The following ZNF638 variants were observed in gnomAD, a reference collection of about 807,000 sequenced individuals.
The protein encoded by ZNF638 is CTCL tumor antigen se33-1.
In ZNF638, 46 loss-of-function variants were observed where a neutral mutation model predicts 195.6. The ratio of observed to expected loss-of-function variants is 0.24; its 90% CI spans 0.19 to 0.30. The LOEUF is 0.30. Ranked by LOEUF, ZNF638 falls within the 10% of genes least tolerant of loss-of-function variation. The pLI is 1.00. For missense variants in ZNF638, 2,440 were observed against 2,325.3 expected (o/e 1.05, Z -1.01); for synonymous variants, 845 against 772.0 (o/e 1.09, Z -1.57).
intron 8 of ZNF638, among the ~76,000 whole-genome samples, chr2:71,376,478 A>G (rs1452522357): frequency 2.0e-5 from 3 of 152,184 alleles, no homozygotes; most frequent in Non-Finnish European, 4.4e-5. Flanking sequence ...TACCACTTCA[A>G]GTTTTTCTAC....
intron 10 of ZNF638, among the ~76,000 whole-genome samples, chr2:71,390,093 C>A (rs1260141626): frequency 2.0e-5 from 3 of 152,158 alleles, no homozygotes; most frequent in African/African-American, 7.2e-5. Flanking sequence ...AGCAAAAGAA[C>A]CCCCTTCTAT....
intron 23 of ZNF638, among the ~76,000 whole-genome samples, chr2:71,425,409 A>T (rs2080519462): frequency 6.6e-6 from 1 of 152,138 alleles, no homozygotes; most frequent in Admixed American, 6.5e-5. Flanking sequence ...TGTTAATTTG[A>T]TAGTACAATC....
intron 10 of ZNF638, chr2:71,388,570 G>A (rs1234594567): frequency 1.2e-5 from 9 of 755,656 alleles, no homozygotes; most frequent in South Asian, 7.0e-5. Context: ...TCCTAGCTGC[G>A]CTCACGCAAA....
At chr2:71,384,183 C>G (rs774479279) in intron 10 of ZNF638, among the ~76,000 whole-genome samples, 7 of 152,164 alleles carry the variant, frequency 4.6e-5, no homozygotes, top group Admixed American at 6.5e-5. Context: ...ATATGTAGCT[C>G]CATCATGCCT....
chr2:71,431,759 CA>C (rs67530729), intron 26 of ZNF638, among the ~76,000 whole-genome samples: 31,220 of 102,052 alleles, frequency 0.31, 3,233 homozygotes, highest in Middle Eastern at 0.36. Context: ...GACTCCGTCT[CA>C]AAAAAAAAAA....
At chr2:71,348,565 G>T in intron 1 of ZNF638, 188 bp from the exon 2 acceptor site, 1 of 1,190,834 alleles carries the variant, frequency 8.4e-7, no homozygotes, top group South Asian at 1.6e-5. Flanking sequence ...CTTGTGTTCT[G>T]CATTCAGGAA....
chr2:71,378,430 G>T (rs928557165), intron 8 of ZNF638, among the ~76,000 whole-genome samples: 2 of 152,094 alleles, frequency 1.3e-5, no homozygotes, highest in African/African-American at 4.8e-5. Context: ...TGCCCAAAAA[G>T]AACAGAAAGT....
intron 22 of ZNF638, 31 bp from the exon 23 acceptor site, chr2:71,424,619 G>GT (rs753392209): frequency 6.4e-7 from 1 of 1,551,278 alleles, no homozygotes; most frequent in South Asian, 1.2e-5. Flanking sequence ...TGTAAATTCC[G>GT]TTTTTCTGTA....
chr2:71,399,092 G>A (rs1175533047), intron 12 of ZNF638, among the ~76,000 whole-genome samples: 1 of 151,746 alleles, frequency 6.6e-6, no homozygotes, highest in African/African-American at 2.4e-5. Flanking sequence ...AATTCATATT[G>A]CCCTCTCCAG....
chr2:71,398,153 A>G (rs2079933277), intron 11 of ZNF638, among the ~76,000 whole-genome samples: 1 of 152,176 alleles, frequency 6.6e-6, no homozygotes, highest in South Asian at 2.1e-4. Flanking sequence ...AGTATCCCTT[A>G]TCCAAAATGG....
intron 8 of ZNF638, among the ~76,000 whole-genome samples, chr2:71,372,986 C>T (rs919245918): frequency 1.3e-4 from 20 of 152,254 alleles, no homozygotes; most frequent in African/African-American, 4.6e-4. Flanking sequence ...CCTTCACAGG[C>T]CATCTTTTGA....
At position 71,364,043 on chromosome 2, in the gene ZNF638, A is replaced by G. The variant is rs2079153905; in HGVS notation, c.1508A>G (p.His503Arg). 6.2e-7 allele frequency: 1 copy of G among 1,614,198 alleles called. No homozygotes were observed. Among genetic ancestry groups the G allele is most frequent in the African/African-American group, 1.3e-5 (1 of 75,052 alleles). Residue 503 changes from histidine to arginine, a missense_variant, in exon 5 of 28, where the codon CAC (histidine) becomes CGC (arginine). This residue lies in a region of ZNF638 where 1,883 missense variants were observed against 1,739.1 expected (regional missense o/e 1.08). Coordinates refer to ENST00000264447, the MANE Select transcript of ZNF638 (RefSeq NM_014497.5). ...CGTTCTAGAAGATCAAGCTCAAGTCACAGATTCCGTCGGTCTCGAAGCCCA... is the reference window on the plus strand; with the variant it reads ...CGTTCTAGAAGATCAAGCTCAAGTCGCAGATTCCGTCGGTCTCGAAGCCCA... ...PRRSRRSSSSHRFRRSRSPMH... is the reference protein window; with the variant it reads ...PRRSRRSSSSRRFRRSRSPMH...
chr2:71,394,163 A>G (rs990382813), intron 10 of ZNF638, among the ~76,000 whole-genome samples: 10 of 152,112 alleles, frequency 6.6e-5, no homozygotes, highest in Non-Finnish European at 1.5e-4. Flanking sequence ...CCCCACGGTC[A>G]TTTACAGGGC....
At chr2:71,367,948 A>G (rs916113404) in intron 6 of ZNF638, among the ~76,000 whole-genome samples, 1 of 152,104 alleles carries the variant, frequency 6.6e-6, no homozygotes, top group Non-Finnish European at 1.5e-5. Flanking sequence ...TTTTAAAAAT[A>G]TTATACCTGT....
At chr2:71,398,088 C>A (rs1426414925) in intron 11 of ZNF638, among the ~76,000 whole-genome samples, 1 of 152,086 alleles carries the variant, frequency 6.6e-6, no homozygotes, top group Non-Finnish European at 1.5e-5. Flanking sequence ...TCTAGTTGAT[C>A]CACACATTCA....
Position 71,380,339 on chromosome 2 carries a change from T to A in ZNF638, c.2324+59T>A, listed in dbSNP as rs2079513847. 7 of 1,336,870 alleles carry A rather than the reference T, an allele frequency of 5.2e-6. No homozygotes were observed. In the East Asian group the frequency reaches 1.5e-4, roughly 28 times the overall value. 82.8% of individuals were successfully genotyped at this position (1,336,870 alleles called of 1,614,324 possible). ...AAATGTGCATATGACTTAAGAAATT[T>A]TAATTTTTAAAACCGCATTTTAAAT... On this transcript the variant is annotated intron_variant, in intron 9 of 27. Transcript: ENST00000264447.
At chr2:71,383,851 C>T (rs2079583848) in intron 10 of ZNF638, among the ~76,000 whole-genome samples, 1 of 147,418 alleles carries the variant, frequency 6.8e-6, no homozygotes, top group African/African-American at 2.5e-5. Context: ...ATGCACCCAC[C>T]TCGGCCTCCC....
intron 10 of ZNF638, chr2:71,395,787 C>T (rs2079880964): frequency 4.5e-5 from 18 of 402,524 alleles, no homozygotes; most frequent in South Asian, 4.4e-4. Flanking sequence ...TCATCCGTCG[C>T]TCAGCCTGAG....
chr2:71,419,965 C>CCG (rs1553486389), intron 21 of ZNF638, among the ~76,000 whole-genome samples: 4 of 86,962 alleles, frequency 4.6e-5, no homozygotes, highest in Non-Finnish European at 6.4e-5. Context: ...AATTCCCACC[C>CCG]CCCCCCGCCT....
Sources: gnomAD v4.1 joint callset for allele counts (sites outside exome capture counted in the v4.1 genomes callset) on GRCh38, gnomAD v4.1.1 for gene constraint, gnomAD v4.1.1 regional missense constraint, MANE v1.5 for transcripts, NCBI Gene and HGNC (gene_info 2026-07-23, HGNC 2026-07-21) for gene names.